Variants in ATP11C observed in about 807,000 individuals in gnomAD.
ATP11C encodes the protein phospholipid-transporting ATPase IG.
In ATP11C, 36 loss-of-function variants were observed where a neutral mutation model predicts 97.4. That is an observed-to-expected ratio of 0.37 (90% CI 0.28 to 0.49). The LOEUF is 0.49. Ranked by LOEUF, ATP11C falls within the 20% of genes least tolerant of loss-of-function variation. The pLI, the probability that ATP11C is intolerant of heterozygous loss-of-function variation, is 0.98. For synonymous variants in ATP11C, 275 were observed against 290.9 expected, an observed-to-expected ratio of 0.95 and a Z score of 0.56; for missense variants, 730 against 824.6, an observed-to-expected ratio of 0.89 and a Z score of 1.40.
chrX:139,875,118 A>G (rs1223696403), intron 1 of ATP11C, among the ~76,000 whole-genome samples: 1 of 111,375 alleles, frequency 9.0e-6, no homozygotes, highest in African/African-American at 3.3e-5. Context: ...TTCTCAGAAT[A>G]AAATTGCACA....
At position 139,797,227 on chromosome X, in the gene ATP11C, A is replaced by G. The variant is rs748868067; in HGVS notation, c.957T>C (p.Asn319=). 14 of 1,205,008 alleles carry G rather than the reference A, an allele frequency of 1.2e-5. No individual in the cohort carries two copies. Among genetic ancestry groups the G allele is most frequent in the Non-Finnish European group, 1.6e-5 (14 of 892,000 alleles). Residue 319 remains asparagine (N), a synonymous_variant, in exon 11 of 30, where the codon AAT becomes AAC. Transcript: ENST00000682941. ...TCTTTTGGTTATACCAAGGTTCATC[A>G]TTGTATGGGGTACTTTGCCAAACAT... ...LKYVWQSTPY[N]DEPWYNQKTQ... is the part of the protein sequence containing the mutation.
At chrX:139,907,715 T>C (rs2148126197) in intron 1 of ATP11C, among the ~76,000 whole-genome samples, 1 of 107,791 alleles carries the variant, frequency 9.3e-6, no homozygotes, top group East Asian at 2.9e-4. Flanking sequence ...GCCACTGCAC[T>C]CCGGCCTGGG....
intron 11 of ATP11C, among the ~76,000 whole-genome samples, chrX:139,796,934 T>C (rs747941544): frequency 1.8e-5 from 2 of 109,889 alleles, no homozygotes; most frequent in African/African-American, 6.5e-5. Flanking sequence ...AACTCTTTTT[T>C]TCTTTTCTTT....
intron 1 of ATP11C, among the ~76,000 whole-genome samples, chrX:139,855,861 C>G (rs7061953): frequency 2.7e-5 from 3 of 111,664 alleles, no homozygotes; most frequent in African/African-American, 9.8e-5. Context: ...CCAGTGTCAA[C>G]CAGGAGGCTT....
At chrX:139,779,301 A>G (rs975950357) in intron 18 of ATP11C, among the ~76,000 whole-genome samples, 2 of 112,393 alleles carry the variant, frequency 1.8e-5, no homozygotes, top group African/African-American at 3.2e-5. Flanking sequence ...TCATCTGTGC[A>G]TGAACATTCT....
chrX:139,899,840 T>G (rs1434066138), intron 1 of ATP11C, among the ~76,000 whole-genome samples: 1 of 111,832 alleles, frequency 8.9e-6, no homozygotes, highest in Non-Finnish European at 1.9e-5. Context: ...CCTGGACACC[T>G]GTTGTACAAG....
chrX:139,798,350 A>T lies in ATP11C; in HGVS notation c.780T>A (p.Val260=). 1 of 1,179,020 alleles carries T rather than the reference A, an allele frequency of 8.5e-7. No homozygotes were observed. Among genetic ancestry groups the T allele is most frequent in the South Asian group, 1.9e-5 (1 of 53,927 alleles). The part of the protein sequence containing the change: ...TLKNTEKIYG[V]AVYTGMETKM... Reference sequence around the variant, plus strand: ...TGGTTTCCATTCCAGTGTAAACAGCAACTCCTAAGAAATTACAGAATATAA... The same window carrying T: ...TGGTTTCCATTCCAGTGTAAACAGCTACTCCTAAGAAATTACAGAATATAA... Residue 260 remains valine (V), a synonymous_variant, in exon 10 of 30, where the codon GTT becomes GTA. Coordinates refer to ENST00000682941, the MANE Select transcript of ATP11C (RefSeq NM_001353812.2).
At chrX:139,906,812 A>T (rs1372827274) in intron 1 of ATP11C, among the ~76,000 whole-genome samples, 1 of 109,871 alleles carries the variant, frequency 9.1e-6, no homozygotes, top group Non-Finnish European at 1.9e-5. Flanking sequence ...CAACAACAAC[A>T]ACAACAAAAA....
intron 1 of ATP11C, among the ~76,000 whole-genome samples, chrX:139,922,619 CTT>C (rs1305900660): frequency 1.8e-5 from 2 of 109,450 alleles, no homozygotes; most frequent in African/African-American, 6.7e-5. Flanking sequence ...TCATTTCACT[CTT>C]TTTCTGCCAT....
chrX:139,745,599 A>G, intron 25 of ATP11C, 123 bp downstream of exon 25: 1 of 697,957 alleles, frequency 1.4e-6, no homozygotes, highest in Non-Finnish European at 2.0e-6. Flanking sequence ...TAACTACTGT[A>G]TCTTCAGAAA....
At chrX:139,812,547 GTTTT>G (rs368917710) in intron 5 of ATP11C, among the ~76,000 whole-genome samples, 3 of 98,806 alleles carry the variant, frequency 3.0e-5, no homozygotes, top group African/African-American at 7.3e-5. Context: ...ACTGTTGTTG[GTTTT>G]TTTTTTTTTT....
upstream of ATP11C, chrX:139,933,122 GC>G (rs1230717666): frequency 1.9e-5 from 2 of 104,698 alleles, no homozygotes; most frequent in Non-Finnish European, 3.9e-5. Flanking sequence ...CCTCCCGCTC[GC>G]CCCCTCCCCC....
chrX:139,895,527 C>T (rs759081512), intron 1 of ATP11C, among the ~76,000 whole-genome samples: 72 of 112,035 alleles, frequency 6.4e-4, no homozygotes, highest in Admixed American at 1.8e-3. Context: ...GCCCCAGCCT[C>T]CCAAAGTGCT....
At chrX:139,783,553 T>G (rs1248734287) in intron 16 of ATP11C, among the ~76,000 whole-genome samples, 1 of 111,857 alleles carries the variant, frequency 8.9e-6, no homozygotes, top group Non-Finnish European at 1.9e-5. Flanking sequence ...GCTGGGCTTG[T>G]GTCAAGGAGC....
At chrX:139,738,914 G>A (rs779902129) in intron 27 of ATP11C, among the ~76,000 whole-genome samples, 1 of 111,284 alleles carries the variant, frequency 9.0e-6, no homozygotes, top group African/African-American at 3.3e-5. Context: ...CATGGCTCCT[G>A]TTTATTAGAT....
At position 139,826,781 on chromosome X, in the gene ATP11C, C is replaced by G. The variant is rs2083539879; in HGVS notation, c.70G>C (p.Val24Leu). ...GTTTCCGAAACTGGATGATTGCCAACAAACACTGTGCGTGTGCCAACTCGT... is the reference window on the plus strand; with the variant it reads ...GTTTCCGAAACTGGATGATTGCCAAGAAACACTGTGCGTGTGCCAACTCGT... ...EKRVGTRTVFVGNHPVSETEA... is the reference protein window; with the variant it reads ...EKRVGTRTVFLGNHPVSETEA... Residue 24 changes from valine to leucine, a missense_variant, in exon 2 of 30, where the codon GTT becomes CTT. By Grantham distance (32) the Val-to-Leu change is conservative (BLOSUM62 1). Transcript: ENST00000682941. 8.3e-7 allele frequency: 1 copy of G among 1,208,709 alleles called. No homozygotes were observed. The highest frequency in any genetic ancestry group is 1.1e-6 in the Non-Finnish European group (1 of 893,390).
intron 1 of ATP11C, among the ~76,000 whole-genome samples, chrX:139,869,401 CATAAT>C (rs1210923901): frequency 3.2e-4 from 36 of 110,929 alleles, no homozygotes; most frequent in African/African-American, 1.1e-3. Flanking sequence ...CATTTGTACC[CATAAT>C]ATATGTTAAT....
At chrX:139,835,478 C>T (rs905288064) in intron 1 of ATP11C, among the ~76,000 whole-genome samples, 1 of 109,600 alleles carries the variant, frequency 9.1e-6, no homozygotes, top group Admixed American at 9.6e-5. Context: ...GATCTCGGCT[C>T]ACTGCAACCT....
At chrX:139,896,106 C>T (rs1052602802) in intron 1 of ATP11C, among the ~76,000 whole-genome samples, 2 of 111,355 alleles carry the variant, frequency 1.8e-5, no homozygotes, top group African/African-American at 3.3e-5. Flanking sequence ...GAATCAGAGA[C>T]GGAAAAATCA....
Sources: gnomAD v4.1 joint callset for allele counts (sites outside exome capture counted in the v4.1 genomes callset) on GRCh38, gnomAD v4.1.1 for gene constraint, MANE v1.5 for transcripts, NCBI Gene and HGNC (gene_info 2026-07-23, HGNC 2026-07-21) for gene names.